Variants in ARHGAP39 observed in about 807,000 individuals in gnomAD.
The protein encoded by ARHGAP39 is Rho GTPase activating protein 39.
In ARHGAP39, 44 loss-of-function variants were observed where a neutral mutation model predicts 106.9. That is an observed-to-expected ratio of 0.41 (90% CI 0.32 to 0.53). The LOEUF is 0.53. Among genes scored for constraint, ARHGAP39 ranks in the 20% least tolerant of loss-of-function variants. The pLI is 0.21. For missense variants in ARHGAP39, 1,496 were observed against 1,577.3 expected (o/e 0.95, Z 0.87); for synonymous variants, 768 against 693.2 (o/e 1.11, Z -1.69).
chr8:144,680,973 G>T lies in ARHGAP39; in HGVS notation c.-82+4713C>A, dbSNP rs372027012. Among the ~76,000 whole-genome samples the T allele has an allele frequency of 2.6e-5, 4 of 152,170 alleles. No individual in the cohort carries two copies. In the South Asian group the frequency reaches 8.3e-4, roughly 32 times the overall value. ...GATGGCAGGCACCAGTGACCAACAC[G>T]AGTTTTAGGGAAGACTACCCCTGCA... On this transcript the variant is annotated intron_variant, in intron 1 of 11. Coordinates refer to ENST00000377307, the MANE Select transcript of ARHGAP39 (RefSeq NM_025251.3).
intron 1 of ARHGAP39, among the ~76,000 whole-genome samples, chr8:144,613,452 A>G (rs1348444300): frequency 6.6e-6 from 1 of 150,378 alleles, no homozygotes; most frequent in Admixed American, 6.6e-5. Flanking sequence ...TGTCACCTTC[A>G]CTTAAAAGAT....
chr8:144,573,428 G>A (rs372684711), intron 3 of ARHGAP39, among the ~76,000 whole-genome samples: 18 of 151,012 alleles, frequency 1.2e-4, no homozygotes, highest in African/African-American at 3.2e-4. Flanking sequence ...GACACAGGGC[G>A]GGGAACATCA....
chr8:144,599,157 T>A (rs1819745273), intron 2 of ARHGAP39, among the ~76,000 whole-genome samples: 1 of 152,194 alleles, frequency 6.6e-6, no homozygotes, highest in Non-Finnish European at 1.5e-5. Context: ...TCCTTGGACC[T>A]AGCAGTCCCT....
chr8:144,614,352 C>CTTTTT (rs1198160650), intron 1 of ARHGAP39, among the ~76,000 whole-genome samples: 1 of 146,652 alleles, frequency 6.8e-6, no homozygotes, highest in African/African-American at 2.7e-5. Flanking sequence ...GTTCCTGTTA[C>CTTTTT]TATTTTTTTT....
At chr8:144,668,252 G>T (rs1335298515) in intron 1 of ARHGAP39, among the ~76,000 whole-genome samples, 1 of 152,062 alleles carries the variant, frequency 6.6e-6, no homozygotes, top group Non-Finnish European at 1.5e-5. Flanking sequence ...GACCTGCCTG[G>T]ACAACATGGC....
At chr8:144,691,855 CGGCGGGGT>C in the ARHGAP39 span, among the ~76,000 whole-genome samples, 1 of 151,758 alleles carries the variant, frequency 6.6e-6, no homozygotes, top group Non-Finnish European at 1.5e-5. Flanking sequence ...GGCCATTAAG[CGGCGGGGT>C]GGCGGGGAGG....
At chr8:144,564,210 T>C (rs1038153626) in intron 3 of ARHGAP39, among the ~76,000 whole-genome samples, 3 of 152,246 alleles carry the variant, frequency 2.0e-5, no homozygotes, top group East Asian at 1.9e-4. Context: ...TAAAATGTCA[T>C]CACAAATAAC....
At position 144,595,598 on chromosome 8, in the gene ARHGAP39, G is replaced by A. The variant is rs142334112; in HGVS notation, c.80+9937C>T. On this transcript the variant is annotated intron_variant, in intron 2 of 11. Coordinates refer to ENST00000377307, the MANE Select transcript of ARHGAP39 (RefSeq NM_025251.3). ...TGAGGGGCAGCTGGGCTGGGCTCTC[G>A]CTGGGAAGGCCCCATCGGGCTGCCC... is the stretch of plus-strand genomic sequence containing the variant. Among the ~76,000 whole-genome samples the A allele has an allele frequency of 1.2e-3, 189 of 152,336 alleles. 2 individuals are homozygous for A. The East Asian group carries it at 0.031, about 25-fold the overall frequency.
intron 3 of ARHGAP39, among the ~76,000 whole-genome samples, chr8:144,558,485 G>A (rs1171125328): frequency 6.6e-6 from 1 of 152,038 alleles, no homozygotes; most frequent in African/African-American, 2.4e-5. Flanking sequence ...TAGAGACGGG[G>A]TTTTGCCATG....
At chr8:144,620,016 C>T (rs1820753876) in intron 1 of ARHGAP39, among the ~76,000 whole-genome samples, 1 of 139,482 alleles carries the variant, frequency 7.2e-6, no homozygotes, top group African/African-American at 2.7e-5. Flanking sequence ...GCCTGTGCGT[C>T]CCTGACAGTG....
intron 2 of ARHGAP39, among the ~76,000 whole-genome samples, chr8:144,594,976 A>G (rs2130920725): frequency 6.6e-6 from 1 of 152,312 alleles, no homozygotes; most frequent in South Asian, 2.1e-4. Flanking sequence ...TGGGAGTTGC[A>G]GGTTGCAGTG....
In ARHGAP39 at chr8:144,684,782, G is replaced by A. The variant is rs918842336; in HGVS notation, c.-82+904C>T. Among the ~76,000 whole-genome samples, 1 of 152,216 alleles carries A rather than the reference G, an allele frequency of 6.6e-6. No individual in the cohort carries two copies. The highest frequency in any genetic ancestry group is 1.5e-5 in the Non-Finnish European group (1 of 68,026). ...GAATTCCAGCTCGGGGGGCAACCGG[G>A]AGGGGAAGGCTCCGAGCGCCGGAGC... On this transcript the variant is annotated intron_variant, in intron 1 of 11. Coordinates refer to ENST00000377307, the MANE Select transcript of ARHGAP39 (RefSeq NM_025251.3). The surrounding 1 kb of genome is among the most constrained non-coding windows in gnomAD (Gnocchi z 4.4).
At chr8:144,567,396 T>A (rs1024714002) in intron 3 of ARHGAP39, among the ~76,000 whole-genome samples, 1 of 152,154 alleles carries the variant, frequency 6.6e-6, no homozygotes, top group Non-Finnish European at 1.5e-5. Flanking sequence ...AACGCCAGCG[T>A]CTGGGAAGAC....
In ARHGAP39 at chr8:144,644,355, T is replaced by C. The variant is rs1387565318; in HGVS notation, c.-81-38660A>G. ...GACATATTGTAGGATTCCATGTCCATGAAGTGACCAGGAGCGGCAGATCGG... is the reference window on the plus strand; with the variant it reads ...GACATATTGTAGGATTCCATGTCCACGAAGTGACCAGGAGCGGCAGATCGG... On this transcript the variant is annotated intron_variant, in intron 1 of 11. Coordinates refer to ENST00000377307, the MANE Select transcript of ARHGAP39 (RefSeq NM_025251.3). The surrounding 1 kb of genome is among the most constrained non-coding windows in gnomAD (Gnocchi z 4.8). 1.3e-5 allele frequency among the ~76,000 whole-genome samples: 2 copies of C among 152,254 alleles called. No individual in the cohort carries two copies. The highest frequency in any genetic ancestry group is 1.3e-4 in the Admixed American group (2 of 15,292).
chr8:144,583,800 A>G lies in ARHGAP39; in HGVS notation c.81-2523T>C, dbSNP rs60307148. 1.4e-4 allele frequency among the ~76,000 whole-genome samples: 21 copies of G among 152,188 alleles called. No individual in the cohort carries two copies. In the East Asian group the frequency reaches 3.7e-3, roughly 27 times the overall value. ...TTCACAAGATTACTACTGTCATTGG[A>G]AAAAAAACCCACATATTATCTTCCT... is the stretch of plus-strand genomic sequence containing the variant. On this transcript the variant is annotated intron_variant, in intron 2 of 11. Coordinates refer to ENST00000377307, the MANE Select transcript of ARHGAP39 (RefSeq NM_025251.3).
Position 144,547,913 on chromosome 8 carries a change from G to T in ARHGAP39, c.1173C>A (p.Gly391=). 6.3e-7 allele frequency: 1 copy of T among 1,583,808 alleles called. No homozygotes were observed. ...AGACCAGCTGCCGCACGTACTCCTT[G>T]CCGGCGGGACTGTACTCCAGGCTCA... ...RFLSLEYSPA[G]KEYVRQLVYV... Residue 391 remains glycine, a synonymous_variant, in exon 5 of 12, where the codon GGC becomes GGA. Transcript: ENST00000377307. The surrounding 1 kb of genome is among the most constrained non-coding windows in gnomAD (Gnocchi z 5.2).
intron 1 of ARHGAP39, among the ~76,000 whole-genome samples, chr8:144,624,560 C>A (rs1355148510): frequency 4.0e-5 from 6 of 151,280 alleles, no homozygotes; most frequent in Non-Finnish European, 8.9e-5. Flanking sequence ...CCCGTCCCGG[C>A]GGCCCGGTTC....
chr8:144,653,755 G>C (rs1199693064), intron 1 of ARHGAP39, among the ~76,000 whole-genome samples: 3 of 152,242 alleles, frequency 2.0e-5, no homozygotes, highest in Non-Finnish European at 2.9e-5. Context: ...TAACTATCAG[G>C]TCATGACAGG....
chr8:144,540,116 A>T (rs188035184), intron 6 of ARHGAP39, among the ~76,000 whole-genome samples: 26 of 152,228 alleles, frequency 1.7e-4, no homozygotes, highest in African/African-American at 6.3e-4. Context: ...ATCTATCTCT[A>T]AGTATGTCAT....
Sources: allele counts gnomAD v4.1 joint callset (sites outside exome capture counted in the v4.1 genomes callset), GRCh38; gene constraint gnomAD v4.1.1; non-coding constraint Gnocchi (gnomAD v3.1); transcripts MANE v1.5; gene names NCBI Gene and HGNC (gene_info 2026-07-23, HGNC 2026-07-21).